ZNF366: variants seen among roughly 807,000 people sequenced by gnomAD.
ZNF366 encodes dendritic cell-specific transcript protein.
ZNF366 carries 20 observed loss-of-function variants against 47.2 expected under a neutral mutation model. The observed-to-expected ratio is 0.42, with a 90% confidence interval of 0.30 to 0.62. The LOEUF (loss-of-function observed/expected upper bound fraction) is 0.62, where lower values mean the gene tolerates loss of function less well. ZNF366 is among the 20% of genes least tolerant of loss of function. ZNF366 has a pLI of 0.16. For missense variants in ZNF366, 987 were observed against 976.3 expected (o/e 1.01, Z -0.15); for synonymous variants, 421 against 395.1 (o/e 1.07, Z -0.78).
intron 2 of ZNF366, among the ~76,000 whole-genome samples, chr5:72,456,838 C>T (rs1743198152): frequency 6.6e-6 from 1 of 152,064 alleles, no homozygotes; most frequent in Non-Finnish European, 1.5e-5. Flanking sequence ...GAAAAGAAAG[C>T]TCTTGCTTTT....
At chr5:72,467,797 T>A (rs183809117) in intron 1 of ZNF366, among the ~76,000 whole-genome samples, 68 of 152,282 alleles carry the variant, frequency 4.5e-4, no homozygotes, top group African/African-American at 1.6e-3. Context: ...TCCCTTGTAA[T>A]ATGAGAGTGG....
intron 1 of ZNF366, among the ~76,000 whole-genome samples, chr5:72,502,153 A>G (rs1015535245): frequency 1.3e-5 from 2 of 152,194 alleles, no homozygotes; most frequent in South Asian, 2.1e-4. Flanking sequence ...TTGTGCATCT[A>G]TGACAGGCTC....
chr5:72,503,004 G>A (rs4703940), intron 1 of ZNF366, among the ~76,000 whole-genome samples: 31,629 of 151,872 alleles, frequency 0.21, 3,489 homozygotes, highest in East Asian at 0.4. Context: ...GGGCAGCTGT[G>A]ATCGCAGCTA....
rs1436937623 is a variant in ZNF366 at position 72,460,390 on chromosome 5, C to T, written c.1107G>A (p.Glu369=). The T allele has an allele frequency of 1.9e-6, 3 of 1,614,268 alleles. No homozygotes were observed. The South Asian group carries it at 3.3e-5, about 18-fold the overall frequency. The change falls in exon 2 of 5, where the codon GAG becomes GAA. Residue 369 remains glutamate (E), a synonymous_variant. Coordinates refer to ENST00000318442, the MANE Select transcript of ZNF366 (RefSeq NM_152625.3). ...HASGRENICV[E]CGLDFPTLAQ... is the part of the protein sequence containing the mutation. ...CCAAGGTGGGGAAGTCGAGGCCGCA[C>T]TCCACACAGATGTTCTCGCGCCCAC...
At chr5:72,476,480 A>C (rs1332123098) in intron 1 of ZNF366, among the ~76,000 whole-genome samples, 2 of 152,178 alleles carry the variant, frequency 1.3e-5, no homozygotes, top group Non-Finnish European at 2.9e-5. Flanking sequence ...GTGGGTGAGC[A>C]TGGCAGCAGA....
In ZNF366 at chr5:72,465,239, AGAGATCAGCTG is replaced by A. The variant is rs371157633; in HGVS notation, c.-14-3740_-14-3730del. Among the ~76,000 whole-genome samples the A allele has an allele frequency of 4.5e-3, 691 of 152,256 alleles. 1 individual carries two copies. Among genetic ancestry groups the A allele is most frequent in the African/African-American group, 0.016 (650 of 41,562 alleles). ...GATTTCCCCTTGGCCTGCTTGAAAG[AGAGATCAGCTG>A]TGGCTGCTTCTAGCTATTAATATCT... is the stretch of plus-strand genomic sequence containing the variant. On this transcript the variant is annotated intron_variant, in intron 1 of 4. Transcript: ENST00000318442.
intron 3 of ZNF366, among the ~76,000 whole-genome samples, chr5:72,450,086 C>CT (rs2112318191): frequency 6.6e-6 from 1 of 152,244 alleles, no homozygotes; most frequent in South Asian, 2.1e-4. Flanking sequence ...CTGAACTGGT[C>CT]TGAGAAGGTT....
At chr5:72,484,625 G>A (rs1743856361) in intron 1 of ZNF366, among the ~76,000 whole-genome samples, 1 of 152,088 alleles carries the variant, frequency 6.6e-6, no homozygotes, top group African/African-American at 2.4e-5. Flanking sequence ...TATTGAACTA[G>A]TCAAATTCCA....
At chr5:72,447,188 C>T (rs1742976400) in intron 4 of ZNF366, 55 bp downstream of exon 4, 7 of 1,593,440 alleles carry the variant, frequency 4.4e-6, no homozygotes, top group Non-Finnish European at 6.0e-6. Flanking sequence ...ACGAATTCAG[C>T]TCCCATTTGT....
At chr5:72,496,889 T>C (rs760810650) in intron 1 of ZNF366, among the ~76,000 whole-genome samples, 3 of 152,228 alleles carry the variant, frequency 2.0e-5, no homozygotes, top group Non-Finnish European at 4.4e-5. Flanking sequence ...AATCTAACAA[T>C]ATTGTATATC....
At chr5:72,446,227 T>A (rs948179563) in intron 4 of ZNF366, among the ~76,000 whole-genome samples, 4 of 152,212 alleles carry the variant, frequency 2.6e-5, no homozygotes, top group African/African-American at 9.6e-5. Context: ...TGGTCTCCTC[T>A]TATATAAAAT....
chr5:72,482,621 A>T (rs192530357), intron 1 of ZNF366, among the ~76,000 whole-genome samples: 219 of 152,254 alleles, frequency 1.4e-3, no homozygotes, highest in African/African-American at 5.1e-3. Flanking sequence ...AGAGCTTAAA[A>T]CAGCACTGTG....
chr5:72,441,481 T>C lies in ZNF366; in HGVS notation c.*2275A>G, dbSNP rs773614307. The C allele has an allele frequency of 1.3e-5, 2 of 152,158 alleles. No homozygotes were observed. The highest frequency in any genetic ancestry group is 4.8e-5 in the African/African-American group (2 of 41,392). The allele number at this position is 152,158 out of a possible 1,614,324, so 9.4% of individuals were successfully genotyped here. On this transcript the variant is annotated 3_prime_UTR_variant, in exon 5 of 5. Transcript: ENST00000318442. The stretch of plus-strand genomic sequence containing the variant: ...CTTGGAATGGGTTTTTGACCCAGAG[T>C]TGTGCTTGTAACCACAGAAACCCAC...
chr5:72,466,243 C>T (rs1283646418), intron 1 of ZNF366, among the ~76,000 whole-genome samples: 1 of 152,148 alleles, frequency 6.6e-6, no homozygotes, highest in Non-Finnish European at 1.5e-5. Flanking sequence ...TACCATGTGG[C>T]GATAAACCAT....
At chr5:72,454,629 T>C (rs1317722268) in intron 3 of ZNF366, among the ~76,000 whole-genome samples, 2 of 152,350 alleles carry the variant, frequency 1.3e-5, no homozygotes, top group Admixed American at 6.5e-5. Context: ...CTTCATATTT[T>C]AGCAACTTGA....
intron 3 of ZNF366, among the ~76,000 whole-genome samples, chr5:72,455,655 C>T (rs750967005): frequency 9.9e-5 from 15 of 152,174 alleles, no homozygotes; most frequent in Non-Finnish European, 1.3e-4. Flanking sequence ...TGCCCGTCAG[C>T]GCCTTGGGTT....
intron 1 of ZNF366, among the ~76,000 whole-genome samples, chr5:72,504,079 A>G (rs1744270134): frequency 1.3e-5 from 2 of 151,806 alleles, no homozygotes; most frequent in South Asian, 4.2e-4. Flanking sequence ...ACGCACACAC[A>G]CATGCGCGCG....
chr5:72,479,207 A>G (rs1397709319), intron 1 of ZNF366, among the ~76,000 whole-genome samples: 2 of 152,096 alleles, frequency 1.3e-5, no homozygotes, highest in East Asian at 1.9e-4. Flanking sequence ...TGCCCCTATG[A>G]TTTTTTAAAC....
chr5:72,503,152 T>C (rs779883426), intron 1 of ZNF366, among the ~76,000 whole-genome samples: 5 of 152,174 alleles, frequency 3.3e-5, no homozygotes, highest in Non-Finnish European at 5.9e-5. Flanking sequence ...TATATTGATT[T>C]ATAATGTTTA....
Sources: gnomAD v4.1 joint callset for allele counts (sites outside exome capture counted in the v4.1 genomes callset) on GRCh38, gnomAD v4.1.1 for gene constraint, MANE v1.5 for transcripts, NCBI Gene and HGNC (gene_info 2026-07-23, HGNC 2026-07-21) for gene names.